Variants in TWSG1 observed in about 807,000 individuals in gnomAD.
TWSG1 encodes the protein twisted gastrulation protein homolog 1.
TWSG1 carries 15 observed loss-of-function variants against 23.0 expected under a neutral mutation model. That is an observed-to-expected ratio of 0.65 (90% confidence interval 0.44 to 1.00). The LOEUF (loss-of-function observed/expected upper bound fraction) is 1.00. TWSG1 is among the 50% of genes least tolerant of loss of function. The pLI is 0.00. For missense variants in TWSG1, 242 were observed against 278.7 expected (o/e 0.87, Z 0.94); for synonymous variants, 86 against 92.8 (o/e 0.93, Z 0.42).
intron 3 of TWSG1, among the ~76,000 whole-genome samples, chr18:9,364,889 A>G (rs922239461): frequency 1.3e-5 from 2 of 152,228 alleles, no homozygotes; most frequent in African/African-American, 4.8e-5. Flanking sequence ...TTTCTGTATA[A>G]TGTAAATGGA....
intron 3 of TWSG1, among the ~76,000 whole-genome samples, chr18:9,393,033 G>A (rs2040719614): frequency 6.6e-6 from 1 of 152,098 alleles, no homozygotes; most frequent in African/African-American, 2.4e-5. Flanking sequence ...ATCACAGATC[G>A]CCATAACTGT....
At chr18:9,361,403 G>A (rs1171842171) in intron 3 of TWSG1, among the ~76,000 whole-genome samples, 7 of 152,082 alleles carry the variant, frequency 4.6e-5, no homozygotes, top group African/African-American at 1.7e-4. Context: ...GTGACCCTTG[G>A]CTGTCTATTC....
intron 3 of TWSG1, among the ~76,000 whole-genome samples, chr18:9,382,642 A>G (rs1037000848): frequency 1.2e-4 from 19 of 152,008 alleles, no homozygotes; most frequent in Non-Finnish European, 2.5e-4. Flanking sequence ...ACCTGTCTCT[A>G]CTAAAAATAA....
rs143807731 is a variant in TWSG1 at position 9,396,407 on chromosome 18, C to A, written c.351C>A (p.Asn117Lys). 1 of 1,614,172 alleles carries A rather than the reference C, an allele frequency of 6.2e-7. No homozygotes were observed. Among genetic ancestry groups the A allele is most frequent in the South Asian group, 1.1e-5 (1 of 91,076 alleles). ...AAGGAGATACTCAGTTGAATTGGAA[C>A]ATCGTTTCTTTCCCTGTTGCAGAAG... ...LTEGDTQLNW[N>K]IVSFPVAEEL... The change falls in exon 4 of 5, where the codon AAC becomes AAA. Residue 117 changes from asparagine to lysine, a missense_variant. By Grantham distance (94) the Asn-to-Lys change is moderately conservative. Coordinates refer to ENST00000262120, the MANE Select transcript of TWSG1 (RefSeq NM_020648.6).
intron 3 of TWSG1, among the ~76,000 whole-genome samples, chr18:9,389,212 G>A (rs2145631499): frequency 6.6e-6 from 1 of 151,904 alleles, no homozygotes; most frequent in East Asian, 1.9e-4. Flanking sequence ...CTGACCTCAG[G>A]TGATGTGCCC....
chr18:9,391,639 CA>C (rs1390256178), intron 3 of TWSG1, among the ~76,000 whole-genome samples: 1 of 152,144 alleles, frequency 6.6e-6, no homozygotes, highest in Non-Finnish European at 1.5e-5. Flanking sequence ...ATCACCATAA[CA>C]GTTATAATAA....
chr18:9,346,340 T>G (rs1047239219), intron 2 of TWSG1, among the ~76,000 whole-genome samples: 1 of 152,244 alleles, frequency 6.6e-6, no homozygotes, highest in Non-Finnish European at 1.5e-5. Context: ...TTTTTATCAC[T>G]TATTATTACC....
intron 3 of TWSG1, among the ~76,000 whole-genome samples, chr18:9,365,279 A>T (rs2040572614): frequency 6.6e-6 from 1 of 152,144 alleles, no homozygotes; most frequent in African/African-American, 2.4e-5. Flanking sequence ...CTCTGATTGC[A>T]CTACAGCACT....
At chr18:9,368,756 T>C (rs2040591300) in intron 3 of TWSG1, among the ~76,000 whole-genome samples, 1 of 152,124 alleles carries the variant, frequency 6.6e-6, no homozygotes, top group Non-Finnish European at 1.5e-5. Flanking sequence ...GAGACCAGCC[T>C]GGTGAACATG....
chr18:9,367,686 T>C (rs939816894), intron 3 of TWSG1, among the ~76,000 whole-genome samples: 5 of 152,274 alleles, frequency 3.3e-5, no homozygotes, highest in African/African-American at 1.2e-4. Context: ...GAACTGCACA[T>C]ACGAGGGGTC....
chr18:9,342,021 G>A (rs2040448516), intron 2 of TWSG1, among the ~76,000 whole-genome samples: 1 of 152,006 alleles, frequency 6.6e-6, no homozygotes, highest in Non-Finnish European at 1.5e-5. Context: ...GCATTCTGAT[G>A]GGCTACTTTT....
intron 3 of TWSG1, among the ~76,000 whole-genome samples, chr18:9,381,951 T>G (rs1353847810): frequency 6.6e-6 from 1 of 152,312 alleles, no homozygotes; most frequent in East Asian, 1.9e-4. Context: ...TTTAAGTACA[T>G]AGTTGTACTT....
chr18:9,342,580 A>G (rs760281814), intron 2 of TWSG1, among the ~76,000 whole-genome samples: 11 of 152,150 alleles, frequency 7.2e-5, no homozygotes, highest in Non-Finnish European at 1.6e-4. Flanking sequence ...ACCTTGTATC[A>G]TCAATCATTA....
intron 3 of TWSG1, among the ~76,000 whole-genome samples, chr18:9,370,423 C>T (rs2040599642): frequency 6.6e-6 from 1 of 152,154 alleles, no homozygotes; most frequent in South Asian, 2.1e-4. Context: ...TTCCCAAATT[C>T]AACCATCGTC....
chr18:9,367,537 G>A (rs966415238), intron 3 of TWSG1, among the ~76,000 whole-genome samples: 9 of 152,174 alleles, frequency 5.9e-5, no homozygotes, highest in Admixed American at 3.9e-4. Flanking sequence ...CCATGGACCA[G>A]TAGCAGTCCG....
chr18:9,350,921 A>G (rs1442843204), intron 2 of TWSG1, among the ~76,000 whole-genome samples: 1 of 152,082 alleles, frequency 6.6e-6, no homozygotes, highest in African/African-American at 2.4e-5. Context: ...GGCTAATTGA[A>G]TATTTTATTT....
chr18:9,366,934 C>T (rs2040581843), intron 3 of TWSG1, among the ~76,000 whole-genome samples: 1 of 152,016 alleles, frequency 6.6e-6, no homozygotes, highest in Non-Finnish European at 1.5e-5. Context: ...CACTTAAAAT[C>T]TACTCTCTTA....
chr18:9,398,213 T>C (rs967100193), intron 4 of TWSG1, among the ~76,000 whole-genome samples: 1 of 152,148 alleles, frequency 6.6e-6, no homozygotes, highest in African/African-American at 2.4e-5. Flanking sequence ...GTTATCATTT[T>C]CTCCATTATT....
chr18:9,353,917 A>G (rs1042308410), intron 2 of TWSG1, among the ~76,000 whole-genome samples: 1 of 152,208 alleles, frequency 6.6e-6, no homozygotes, highest in African/African-American at 2.4e-5. Context: ...AATGAGTCCA[A>G]TTTTACCTTT....
Sources: gnomAD v4.1 joint callset for allele counts (sites outside exome capture counted in the v4.1 genomes callset) on GRCh38, gnomAD v4.1.1 for gene constraint, MANE v1.5 for transcripts, NCBI Gene and HGNC (gene_info 2026-07-23, HGNC 2026-07-21) for gene names.